Variants in AGBL1 observed in about 807,000 individuals in gnomAD.
AGBL1 encodes cytosolic carboxypeptidase 4.
A neutral mutation model predicts 118.9 loss-of-function variants in AGBL1; 130 were observed. The observed-to-expected ratio is 1.09, with a 90% confidence interval of 0.95 to 1.26. The LOEUF is 1.26. AGBL1 is among the 50% of genes most tolerant of loss of function. The probability of loss-of-function intolerance (pLI) is 0.00; values close to 1 mark genes in which losing one functional copy is unlikely to be tolerated. For synonymous variants in AGBL1, 555 were observed against 478.9 expected (o/e 1.16, Z -2.08); for missense variants, 1,584 against 1,298.1 (o/e 1.22, Z -3.38).
At chr15:86,713,386 A>T (rs1013197259) in intron 22 of AGBL1, among the ~76,000 whole-genome samples, 18 of 152,186 alleles carry the variant, frequency 1.2e-4, no homozygotes, top group Non-Finnish European at 5.9e-5. Flanking sequence ...TTTCTAAAAT[A>T]TACAAATCCA....
intron 21 of AGBL1, among the ~76,000 whole-genome samples, chr15:86,575,476 G>C (rs1205002212): frequency 6.6e-6 from 1 of 151,396 alleles, no homozygotes; most frequent in African/African-American, 2.4e-5. Context: ...GTCCAGTTTG[G>C]GTAACAGAGA....
At chr15:86,632,009 A>AG (rs1238789006) in intron 21 of AGBL1, among the ~76,000 whole-genome samples, 5 of 148,860 alleles carry the variant, frequency 3.4e-5, no homozygotes, top group Non-Finnish European at 4.5e-5. Flanking sequence ...GCGCAAGCCT[A>AG]GGGAGACCCT....
intron 20 of AGBL1, among the ~76,000 whole-genome samples, 163 bp downstream of exon 20, chr15:86,546,296 T>C (rs1404559579): frequency 6.6e-6 from 1 of 151,890 alleles, no homozygotes; most frequent in Admixed American, 6.6e-5. Context: ...GCTGGAAGCA[T>C]GTGTAACCTC....
At chr15:86,292,064 G>T (rs1473990856) in intron 16 of AGBL1, among the ~76,000 whole-genome samples, 1 of 152,102 alleles carries the variant, frequency 6.6e-6, no homozygotes, top group Non-Finnish European at 1.5e-5. Flanking sequence ...GCTCATGTTG[G>T]CATGGTAGGC....
intron 17 of AGBL1, among the ~76,000 whole-genome samples, chr15:86,349,387 G>A (rs1405248086): frequency 6.6e-6 from 1 of 152,154 alleles, no homozygotes; most frequent in African/African-American, 2.4e-5. Flanking sequence ...AAAAAACCCT[G>A]CTATAGATCT....
At chr15:86,683,111 G>A (rs981712308) in intron 22 of AGBL1, among the ~76,000 whole-genome samples, 6 of 152,076 alleles carry the variant, frequency 3.9e-5, no homozygotes, top group Non-Finnish European at 8.8e-5. Flanking sequence ...TGCTGATTAC[G>A]AGTTCAGCAA....
chr15:86,641,424 G>A (rs1198084445), intron 21 of AGBL1, among the ~76,000 whole-genome samples: 2 of 150,518 alleles, frequency 1.3e-5, no homozygotes, highest in Non-Finnish European at 3.0e-5. Flanking sequence ...AAAAAAAAAA[G>A]CAGTGCCGGT....
intron 17 of AGBL1, among the ~76,000 whole-genome samples, chr15:86,392,037 A>G (rs185085360): frequency 6.6e-6 from 1 of 152,220 alleles, no homozygotes; most frequent in East Asian, 1.9e-4. Context: ...TGAAATTGAC[A>G]TATGATTGTT....
intron 18 of AGBL1, among the ~76,000 whole-genome samples, chr15:86,455,652 C>T (rs183142402): frequency 2.6e-5 from 4 of 152,166 alleles, no homozygotes; most frequent in Admixed American, 1.3e-4. Flanking sequence ...TAAAAGCTAA[C>T]ATTTGTGCTT....
downstream of AGBL1, among the ~76,000 whole-genome samples, chr15:86,917,571 T>C (rs2080439180): frequency 6.6e-6 from 1 of 152,180 alleles, no homozygotes; most frequent in African/African-American, 2.4e-5. The surrounding 1 kb of genome is among the most constrained non-coding windows in gnomAD (Gnocchi z 4.8). Flanking sequence ...CAAGTAAACA[T>C]ATGCGGATCA....
At chr15:86,079,860 G>C, upstream of AGBL1, 1 of 696,554 alleles carries the variant, frequency 1.4e-6, no homozygotes, top group African/African-American at 1.8e-5. Flanking sequence ...GTGCAGCTGA[G>C]GCCTCCGGGC....
intron 24 of AGBL1, among the ~76,000 whole-genome samples, chr15:86,992,432 G>A (rs1478204069): frequency 6.6e-6 from 1 of 152,118 alleles, no homozygotes; most frequent in Non-Finnish European, 1.5e-5. Context: ...CTTTAGAATT[G>A]CACTTTTCAT....
intron 22 of AGBL1, among the ~76,000 whole-genome samples, chr15:86,730,014 C>A (rs527361582): frequency 6.6e-6 from 1 of 152,218 alleles, no homozygotes; most frequent in South Asian, 2.1e-4. Context: ...TTGCATTTCT[C>A]TAATTAGCAA....
intron 18 of AGBL1, among the ~76,000 whole-genome samples, chr15:86,493,663 T>C (rs2082811687): frequency 6.6e-6 from 1 of 152,092 alleles, no homozygotes; most frequent in African/African-American, 2.4e-5. Flanking sequence ...TCCACACACT[T>C]TCTTCCGTAA....
At position 86,879,209 on chromosome 15, in the gene AGBL1, GT is replaced by G. The variant is rs2079856408; in HGVS notation, c.3159-27874del. On this transcript the variant is annotated intron_variant, in intron 22 of 22. Coordinates refer to ENST00000614907, the MANE Select transcript of AGBL1 (RefSeq NM_001386094.1). ...TTCAAGAGAAGGACTCCTTCCTCCT[GT>G]TTTGCAAAATGACTAATTTTCATTT... Among the ~76,000 whole-genome samples the G allele has an allele frequency of 2.0e-5, 3 of 152,146 alleles. No individual in the cohort carries two copies. The South Asian group carries it at 6.2e-4, about 31-fold the overall frequency.
chr15:86,399,369 G>A (rs77936703), intron 18 of AGBL1, among the ~76,000 whole-genome samples: 3,065 of 152,232 alleles, frequency 0.02, 43 homozygotes, highest in Middle Eastern at 0.065. Flanking sequence ...GGCATCTTGA[G>A]GGACATGATC....
chr15:86,739,652 C>T (rs1242941287), intron 22 of AGBL1, among the ~76,000 whole-genome samples: 1 of 151,868 alleles, frequency 6.6e-6, no homozygotes, highest in African/African-American at 2.4e-5. Flanking sequence ...AATAATCTAT[C>T]CACCCTTAGA....
At chr15:86,675,590 C>T (rs1356971345) in intron 22 of AGBL1, among the ~76,000 whole-genome samples, 1 of 152,170 alleles carries the variant, frequency 6.6e-6, no homozygotes, top group Non-Finnish European at 1.5e-5. Context: ...CTGCCTGCCC[C>T]TGGTCCCTTC....
chr15:86,199,604 A>G (rs958591090), intron 5 of AGBL1, among the ~76,000 whole-genome samples: 34 of 152,316 alleles, frequency 2.2e-4, no homozygotes, highest in African/African-American at 7.7e-4. Flanking sequence ...CATTTGTGAC[A>G]CTGAACTGTT....
Sources: allele counts gnomAD v4.1 joint callset (sites outside exome capture counted in the v4.1 genomes callset), GRCh38; gene constraint gnomAD v4.1.1; non-coding constraint Gnocchi (gnomAD v3.1); transcripts MANE v1.5; gene names NCBI Gene and HGNC (gene_info 2026-07-23, HGNC 2026-07-21).